Variants in RSPH9 observed in about 807,000 individuals in gnomAD.
RSPH9 encodes the protein radial spoke head protein 9 homolog.
RSPH9 carries 27 observed loss-of-function variants against 27.0 expected under a neutral mutation model. The ratio of observed to expected loss-of-function variants is 1.00; its 90% CI spans 0.74 to 1.38. The LOEUF (loss-of-function observed/expected upper bound fraction) is 1.38. RSPH9 is among the 40% of genes most tolerant of loss of function. The pLI, the probability that RSPH9 is intolerant of heterozygous loss-of-function variation, is 0.00. For synonymous variants in RSPH9, 145 were observed against 147.7 expected, an observed-to-expected ratio of 0.98 and a Z score of 0.13; for missense variants, 347 against 357.4, an observed-to-expected ratio of 0.97 and a Z score of 0.24.
rs185138536 is a variant in RSPH9 at position 43,645,816 on chromosome 6, G to C, written c.227+491G>C. Reference sequence around the variant, plus strand: ...GTTTGGAGAAGAGTCAGACGCCAGAGGGAGAGGGTGGTGCTCTTTGATAGA... The same window carrying C: ...GTTTGGAGAAGAGTCAGACGCCAGACGGAGAGGGTGGTGCTCTTTGATAGA... On this transcript the variant is annotated intron_variant, in intron 1 of 4. Coordinates refer to ENST00000372163, the MANE Select transcript of RSPH9 (RefSeq NM_152732.5). 3.9e-5 allele frequency among the ~76,000 whole-genome samples: 6 copies of C among 152,342 alleles called. No homozygotes were observed. In the South Asian group the frequency reaches 6.2e-4, roughly 16 times the overall value.
intron 4 of RSPH9, among the ~76,000 whole-genome samples, chr6:43,663,795 C>T (rs7756954): frequency 0.25 from 37,872 of 151,728 alleles, 8,373 homozygotes; most frequent in African/African-American, 0.59. Flanking sequence ...TTTGGGAGGC[C>T]GAGGTGGGCG....
chr6:43,656,750 G>A (rs776922319), intron 4 of RSPH9, 27 bp downstream of exon 4: 3 of 1,612,438 alleles, frequency 1.9e-6, no homozygotes, highest in East Asian at 4.5e-5. Flanking sequence ...TGGAGGCCAT[G>A]GGATCTGTCC....
Position 43,671,871 on chromosome 6 carries a change from G to A in RSPH9, c.*922G>A, listed in dbSNP as rs1043011545. On this transcript the variant is annotated 3_prime_UTR_variant, in exon 5 of 5. Coordinates refer to ENST00000372163, the MANE Select transcript of RSPH9 (RefSeq NM_152732.5). ...CCAGCGGGGGCCTTTTTTGTAGATG[G>A]GCTTGACGGAGCCAGGAGCCCAGCG... 6.2e-7 allele frequency: 1 copy of A among 1,613,638 alleles called. No individual in the cohort carries two copies. The highest frequency in any genetic ancestry group is 1.3e-5 in the African/African-American group (1 of 75,042).
intron 1 of RSPH9, among the ~76,000 whole-genome samples, chr6:43,650,047 G>C (rs893106797): frequency 6.6e-6 from 1 of 152,092 alleles, no homozygotes; most frequent in Admixed American, 6.6e-5. Context: ...CTGAGTAGCT[G>C]GGACTACAGG....
chr6:43,671,038 C>T lies in RSPH9; in HGVS notation c.*89C>T. 6.7e-7 allele frequency: 1 copy of T among 1,492,388 alleles called. No individual in the cohort carries two copies. Among genetic ancestry groups the T allele is most frequent in the Non-Finnish European group, 9.2e-7 (1 of 1,083,312 alleles). The allele number at this position is 1,492,388 out of a possible 1,614,324, so 92.4% of individuals were successfully genotyped here. ...ACTTGGCCTGCCTGTTCTGTCCTAT[C>T]TTCTTAACTCCACCTCCGTCTGGTT... On this transcript the variant is annotated 3_prime_UTR_variant, in exon 5 of 5. Coordinates refer to ENST00000372163, the MANE Select transcript of RSPH9 (RefSeq NM_152732.5).
rs833047 is a variant in RSPH9 at position 43,665,524 on chromosome 6, T to C, written c.671-5265T>C. On this transcript the variant is annotated intron_variant, in intron 4 of 4. Transcript: ENST00000372163. Reference sequence around the variant, plus strand: ...TTGGCAAGTGAATTCATCAGGCCTATGGGAGGTGTGGCATCTGGGCCTGGC... The same window carrying C: ...TTGGCAAGTGAATTCATCAGGCCTACGGGAGGTGTGGCATCTGGGCCTGGC... Among the ~76,000 whole-genome samples, 17 of 152,334 alleles carry C rather than the reference T, an allele frequency of 1.1e-4. No homozygotes were observed. In the South Asian group the frequency reaches 1.9e-3, roughly 17 times the overall value.
intron 2 of RSPH9, among the ~76,000 whole-genome samples, chr6:43,651,517 T>C (rs1266430488): frequency 2.0e-5 from 3 of 152,166 alleles, no homozygotes; most frequent in Non-Finnish European, 1.5e-5. Context: ...ACAGGTCCTC[T>C]ATTTAGGGGA....
intron 1 of RSPH9, among the ~76,000 whole-genome samples, chr6:43,646,968 GAAAA>G (rs11314414): frequency 7.4e-6 from 1 of 135,594 alleles, no homozygotes; most frequent in Non-Finnish European, 1.6e-5. Context: ...AAAAAAAAAA[GAAAA>G]AAAAAAAGGA....
At chr6:43,659,371 G>A (rs78066157) in intron 4 of RSPH9, among the ~76,000 whole-genome samples, 3,163 of 151,088 alleles carry the variant, frequency 0.021, 109 homozygotes, top group African/African-American at 0.072. Context: ...TACAAGCACC[G>A]GCCACCATGC....
At chr6:43,658,530 C>T (rs1328669716) in intron 4 of RSPH9, among the ~76,000 whole-genome samples, 2 of 151,940 alleles carry the variant, frequency 1.3e-5, no homozygotes, top group African/African-American at 4.8e-5. Flanking sequence ...GATCACCTGA[C>T]CCTTCAGCGA....
chr6:43,662,803 T>C (rs1772767992), intron 4 of RSPH9, among the ~76,000 whole-genome samples: 1 of 152,178 alleles, frequency 6.6e-6, no homozygotes, highest in Non-Finnish European at 1.5e-5. Context: ...ATTTTTTTTA[T>C]TTTTGGTTTT....
chr6:43,658,217 G>T (rs1206799447), intron 4 of RSPH9, among the ~76,000 whole-genome samples: 2 of 150,878 alleles, frequency 1.3e-5, no homozygotes, highest in Admixed American at 1.3e-4. Context: ...CTTGAATCTG[G>T]GAGGCAGAGG....
In RSPH9 at chr6:43,671,190, A is replaced by G. The variant is rs897661276; in HGVS notation, c.*241A>G. The G allele has an allele frequency of 1.0e-5, 6 of 595,214 alleles. No homozygotes were observed. In the East Asian group the frequency reaches 1.7e-4, roughly 17 times the overall value. The allele number at this position is 595,214 out of a possible 1,614,324, so 36.9% of individuals were successfully genotyped here. On this transcript the variant is annotated 3_prime_UTR_variant, in exon 5 of 5. Transcript: ENST00000372163. ...GGAAATGGCTGTGGGAGAAGGTGAC[A>G]ACCAGGGCCCCTTTGAGGAACGCAG...
intron 3 of RSPH9, among the ~76,000 whole-genome samples, chr6:43,655,943 C>T (rs1027910775): frequency 1.3e-5 from 2 of 152,034 alleles, no homozygotes; most frequent in African/African-American, 2.4e-5. Flanking sequence ...CAGGGCTTTA[C>T]ATGGGTCTGG....
chr6:43,646,792 T>C (rs1460892888), intron 1 of RSPH9, among the ~76,000 whole-genome samples: 3 of 150,772 alleles, frequency 2.0e-5, no homozygotes, highest in Non-Finnish European at 4.4e-5. Context: ...GAAACACTAC[T>C]GAAAATACGA....
Position 43,650,390 on chromosome 6 carries a change from G to A in RSPH9, c.243G>A (p.Glu81=). ...TTGTTGGCAGCCTGAACTGCACAGA[G>A]TGGAGCCTCTTGCCCCCTGCCACAG... ...RKTLYSLNCT[E]WSLLPPATEE... The change falls in exon 2 of 5, where the codon GAG becomes GAA. Residue 81 remains glutamate, a synonymous_variant. Transcript: ENST00000372163. 1.2e-6 allele frequency: 2 copies of A among 1,613,360 alleles called. No individual in the cohort carries two copies. Among genetic ancestry groups the A allele is most frequent in the Non-Finnish European group, 1.7e-6 (2 of 1,179,960 alleles).
chr6:43,645,036 A>C lies in RSPH9; in HGVS notation c.-63A>C. On this transcript the variant is annotated 5_prime_UTR_variant, in exon 1 of 5. Coordinates refer to ENST00000372163, the MANE Select transcript of RSPH9 (RefSeq NM_152732.5). ...CAGCTAGGCGGAAGGGCGGAGCTTC[A>C]GGTCTCCATGGAGGCGGCTTCTCCT... 1 of 1,413,402 alleles carries C rather than the reference A, an allele frequency of 7.1e-7. No homozygotes were observed. Among genetic ancestry groups the C allele is most frequent in the Non-Finnish European group, 9.9e-7 (1 of 1,011,744 alleles). 87.6% of individuals were successfully genotyped at this position (1,413,402 alleles called of 1,614,324 possible). A position where few individuals can be genotyped will look rare whatever the true frequency, so the allele number is the denominator to read the frequency against.
At chr6:43,656,027 T>C (rs1771991058) in intron 3 of RSPH9, among the ~76,000 whole-genome samples, 1 of 129,548 alleles carries the variant, frequency 7.7e-6, no homozygotes, top group Admixed American at 7.2e-5. Flanking sequence ...CTTCCTTCCT[T>C]CCTTCCTTCC....
At position 43,645,344 on chromosome 6, in the gene RSPH9, C is replaced by T. The variant is rs1425023260; in HGVS notation, c.227+19C>T. Reference sequence around the variant, plus strand: ...TCTATAGGTGAGGAGGCCCCCGGGACGGGCTCCCCAGAGGGTGGCTACCTG... The same window carrying T: ...TCTATAGGTGAGGAGGCCCCCGGGATGGGCTCCCCAGAGGGTGGCTACCTG... On this transcript the variant is annotated intron_variant, in intron 1 of 4. Coordinates refer to ENST00000372163, the MANE Select transcript of RSPH9 (RefSeq NM_152732.5). The T allele has an allele frequency of 1.1e-6, 1 of 903,436 alleles. No homozygotes were observed. The highest frequency in any genetic ancestry group is 2.5e-5 in the African/African-American group (1 of 40,498). The allele number at this position is 903,436 out of a possible 1,614,324, so 56.0% of individuals were successfully genotyped here.
Sources: allele counts gnomAD v4.1 joint callset (sites outside exome capture counted in the v4.1 genomes callset), GRCh38; gene constraint gnomAD v4.1.1; transcripts MANE v1.5; gene names NCBI Gene and HGNC (gene_info 2026-07-23, HGNC 2026-07-21).